The following HIRA variants were observed in gnomAD, a reference collection of about 807,000 sequenced individuals.
The protein encoded by HIRA is protein HIRA.
A neutral mutation model predicts 126.6 loss-of-function variants in HIRA; 13 were observed. The observed-to-expected ratio is 0.10, with a 90% CI of 0.07 to 0.16. HIRA has a LOEUF of 0.16. HIRA is among the 10% of genes least tolerant of loss of function. The pLI is 1.00. For missense variants in HIRA, 834 were observed against 1,314.4 expected, an observed-to-expected ratio of 0.63 and a Z score of 5.65; for synonymous variants, 511 against 520.0, an observed-to-expected ratio of 0.98 and a Z score of 0.24.
Position 19,383,738 on chromosome 22 carries a change from A to G in HIRA, c.1330-33T>C, listed in dbSNP as rs377540382. The G allele has an allele frequency of 1.6e-5, 25 of 1,549,410 alleles. No homozygotes were observed. The African/African-American group carries it at 3.3e-4, about 20-fold the overall frequency. On this transcript the variant is annotated intron_variant, in intron 12 of 24. Transcript: ENST00000263208. Reference sequence around the variant, plus strand: ...AGCAGAGTTACATAAATGAATGCAAAAGTTTTGGCCAACTATTTCCAAATA... The same window carrying G: ...AGCAGAGTTACATAAATGAATGCAAGAGTTTTGGCCAACTATTTCCAAATA...
At chr22:19,431,336 G>T in intron 1 of HIRA, 104 bp downstream of exon 1, 1 of 1,297,634 alleles carries the variant, frequency 7.7e-7, no homozygotes, top group Non-Finnish European at 1.1e-6. Context: ...ACCGGGTACC[G>T]GGCGTCAGGG....
At chr22:19,334,790 T>A (rs2088545367) in intron 24 of HIRA, among the ~76,000 whole-genome samples, 1 of 152,102 alleles carries the variant, frequency 6.6e-6, no homozygotes, top group Admixed American at 6.5e-5. Flanking sequence ...ATACAGCTGG[T>A]TGTTATTAAT....
rs562956050 is a variant in HIRA, at chr22:19,394,498, C to G, written c.666G>C (p.Thr222=). ...ITKPFDECGG[T]THVLRLSWSP... ...ACCAGCTGAGCCGCAACACATGGGT[C>G]GTTCCTCCACACTGAAAGAAGCATC... Residue 222 remains threonine (T), a synonymous_variant, in exon 8 of 25, where the codon ACG becomes ACC. Coordinates refer to ENST00000263208, the MANE Select transcript of HIRA (RefSeq NM_003325.4). 5 of 1,613,922 alleles carry G rather than the reference C, an allele frequency of 3.1e-6. No homozygotes were observed. The highest frequency in any genetic ancestry group is 1.1e-5 in the South Asian group (1 of 91,018).
chr22:19,423,819 C>A (rs781152535), intron 1 of HIRA, among the ~76,000 whole-genome samples: 4 of 152,088 alleles, frequency 2.6e-5, no homozygotes, highest in Non-Finnish European at 5.9e-5. Context: ...GTTTTAAAAC[C>A]ATTTGCTATC....
intron 5 of HIRA, among the ~76,000 whole-genome samples, chr22:19,401,926 C>A (rs1054989066): frequency 6.6e-6 from 1 of 152,180 alleles, no homozygotes; most frequent in African/African-American, 2.4e-5. Flanking sequence ...CAGAGAAGAG[C>A]CTCTGCCACG....
intron 17 of HIRA, among the ~76,000 whole-genome samples, 174 bp downstream of exon 17, chr22:19,361,063 A>G (rs1457599651): frequency 2.0e-5 from 3 of 152,356 alleles, no homozygotes; most frequent in African/African-American, 7.2e-5. Flanking sequence ...GGAGGCTGGC[A>G]ATTTCGCTAA....
At position 19,353,527 on chromosome 22, in the gene HIRA, G is replaced by A. The variant is rs376042203; in HGVS notation, c.2685-8C>T. On this transcript the variant is annotated splice_polypyrimidine_tract_variant and splice_region_variant and intron_variant, in intron 22 of 24. Coordinates refer to ENST00000263208, the MANE Select transcript of HIRA (RefSeq NM_003325.4). The stretch of plus-strand genomic sequence containing the variant: ...GCAGCCTGCCTTCCCGAGCTGCAGA[G>A]ACCAGGAGAGTTTCCATGATGGGGC... The A allele has an allele frequency of 9.4e-6, 15 of 1,592,866 alleles. No homozygotes were observed. Among genetic ancestry groups the A allele is most frequent in the Non-Finnish European group, 1.3e-5 (15 of 1,170,090 alleles).
At chr22:19,336,747 A>G (rs1208538093) in intron 24 of HIRA, among the ~76,000 whole-genome samples, 1 of 152,226 alleles carries the variant, frequency 6.6e-6, no homozygotes, top group Non-Finnish European at 1.5e-5. Flanking sequence ...ATGGGCCCAG[A>G]GCCTGGTAGC....
At chr22:19,336,032 T>C (rs2088564074) in intron 24 of HIRA, among the ~76,000 whole-genome samples, 1 of 152,230 alleles carries the variant, frequency 6.6e-6, no homozygotes, top group Non-Finnish European at 1.5e-5. Flanking sequence ...TGTACATCCT[T>C]TGTTAGATTT....
chr22:19,420,407 A>C (rs2089434964), intron 1 of HIRA, among the ~76,000 whole-genome samples: 1 of 142,958 alleles, frequency 7.0e-6, no homozygotes, highest in Non-Finnish European at 1.5e-5. Flanking sequence ...TCGAGGCTGC[A>C]GTGAGCCGTG....
At position 19,361,368 on chromosome 22, in the gene HIRA, C is replaced by A. The variant is rs202172966; in HGVS notation, c.1981-27G>T. 30 of 1,593,576 alleles carry A rather than the reference C, an allele frequency of 1.9e-5. No individual in the cohort carries two copies. The African/African-American group carries it at 2.9e-4, about 16-fold the overall frequency. ...TGGAAGAGCCAGAAACGTTCCTGAGCCTTGCTCTAACACTACGGGGTAGCA... is the reference window on the plus strand; with the variant it reads ...TGGAAGAGCCAGAAACGTTCCTGAGACTTGCTCTAACACTACGGGGTAGCA... On this transcript the variant is annotated intron_variant, in intron 16 of 24. Transcript: ENST00000263208.
chr22:19,352,538 C>T (rs903770140), intron 23 of HIRA, among the ~76,000 whole-genome samples: 19 of 151,982 alleles, frequency 1.3e-4, no homozygotes, highest in African/African-American at 4.1e-4. Flanking sequence ...TATTTGCTGT[C>T]GTTTACAAGT....
intron 9 of HIRA, among the ~76,000 whole-genome samples, chr22:19,389,629 C>G (rs2089159524): frequency 6.6e-6 from 1 of 152,096 alleles, no homozygotes; most frequent in Admixed American, 6.5e-5. Flanking sequence ...GAAAAAGCTG[C>G]CTTGTCCCTC....
intron 24 of HIRA, among the ~76,000 whole-genome samples, chr22:19,347,682 T>C (rs931280754): frequency 1.3e-5 from 2 of 152,112 alleles, no homozygotes; most frequent in African/African-American, 2.4e-5. Flanking sequence ...CTCATGTCTA[T>C]AATCCCAGCA....
intron 15 of HIRA, among the ~76,000 whole-genome samples, chr22:19,374,342 C>T (rs939378859): frequency 1.1e-4 from 16 of 151,866 alleles, no homozygotes; most frequent in African/African-American, 3.4e-4. Context: ...GGTAGAGATA[C>T]GGGTCTCACT....
chr22:19,334,707 C>G lies in HIRA; in HGVS notation c.2938-3151G>C, dbSNP rs575858446. 9.9e-5 allele frequency among the ~76,000 whole-genome samples: 15 copies of G among 152,134 alleles called. No individual in the cohort carries two copies. In the South Asian group the frequency reaches 3.1e-3, roughly 32 times the overall value. On this transcript the variant is annotated intron_variant, in intron 24 of 24. Coordinates refer to ENST00000263208, the MANE Select transcript of HIRA (RefSeq NM_003325.4). ...AAAGTGCTGGGATTAAGGCATGAACCAACGCACCCGGCAGTCCTTTTACTT... is the reference window on the plus strand; with the variant it reads ...AAAGTGCTGGGATTAAGGCATGAACGAACGCACCCGGCAGTCCTTTTACTT...
chr22:19,378,459 C>T (rs1391679409), intron 13 of HIRA, among the ~76,000 whole-genome samples: 1 of 152,234 alleles, frequency 6.6e-6, no homozygotes, highest in Admixed American at 6.5e-5. Context: ...CCATAATATA[C>T]CTAACCCAGC....
At chr22:19,356,343 T>G in intron 19 of HIRA, 55 bp from the exon 20 acceptor site, 1 of 1,524,606 alleles carries the variant, frequency 6.6e-7, no homozygotes, top group Non-Finnish European at 9.1e-7. Flanking sequence ...CACATCAGAG[T>G]GTGCCTTGGC....
At chr22:19,392,268 C>T in intron 8 of HIRA, 54 bp from the exon 9 acceptor site, 1 of 1,132,314 alleles carries the variant, frequency 8.8e-7, no homozygotes, top group South Asian at 1.4e-5. Context: ...AGGCATGTCC[C>T]CTGTGCCCAA....
Sources: gnomAD v4.1 joint callset for allele counts (sites outside exome capture counted in the v4.1 genomes callset) on GRCh38, gnomAD v4.1.1 for gene constraint, MANE v1.5 for transcripts, NCBI Gene and HGNC (gene_info 2026-07-23, HGNC 2026-07-21) for gene names.